The following SCFD2 variants were observed in gnomAD, a reference collection of about 807,000 sequenced individuals.
SCFD2 encodes the protein sec1 family domain containing 2.
In SCFD2, 54 loss-of-function variants were observed where a neutral mutation model predicts 58.9. The ratio of observed to expected loss-of-function variants is 0.92; its 90% CI spans 0.74 to 1.15. SCFD2 has a LOEUF of 1.15. Among genes scored for constraint, SCFD2 ranks in the 50% most tolerant of loss-of-function variants. SCFD2 has a pLI of 0.00. For missense variants in SCFD2, 805 were observed against 836.6 expected, an observed-to-expected ratio of 0.96 and a Z score of 0.47; for synonymous variants, 321 against 335.9, an observed-to-expected ratio of 0.96 and a Z score of 0.49.
At chr4:52,955,423 A>G (rs1287475264) in intron 5 of SCFD2, among the ~76,000 whole-genome samples, 1 of 152,214 alleles carries the variant, frequency 6.6e-6, no homozygotes, top group Non-Finnish European at 1.5e-5. Context: ...TTAAATGAGT[A>G]CTAATGTGGT....
At chr4:52,941,571 T>C (rs1720293907) in intron 5 of SCFD2, among the ~76,000 whole-genome samples, 1 of 152,206 alleles carries the variant, frequency 6.6e-6, no homozygotes, top group African/African-American at 2.4e-5. Flanking sequence ...TCTTCATCAT[T>C]GGACAGCGAG....
chr4:53,199,178 A>G (rs1728150262), intron 4 of SCFD2, among the ~76,000 whole-genome samples: 1 of 152,090 alleles, frequency 6.6e-6, no homozygotes, highest in Non-Finnish European at 1.5e-5. Context: ...TTCATCTCTG[A>G]GTGATGGCAT....
chr4:53,136,898 A>G (rs1019499772), intron 5 of SCFD2, among the ~76,000 whole-genome samples: 1 of 152,234 alleles, frequency 6.6e-6, no homozygotes, highest in African/African-American at 2.4e-5. Flanking sequence ...TGTTTATGAT[A>G]TAAGTCCAGC....
intron 2 of SCFD2, among the ~76,000 whole-genome samples, chr4:53,349,932 T>G (rs1734164359): frequency 6.6e-6 from 1 of 152,180 alleles, no homozygotes; most frequent in African/African-American, 2.4e-5. Context: ...GGTTCAAATA[T>G]AGGCCTCCAC....
chr4:53,014,951 T>C (rs1230022827), intron 5 of SCFD2, among the ~76,000 whole-genome samples: 1 of 152,206 alleles, frequency 6.6e-6, no homozygotes, highest in Non-Finnish European at 1.5e-5. Flanking sequence ...CATAGAAATA[T>C]TTTTGAATTT....
At chr4:53,062,664 A>G (rs1250521019) in intron 5 of SCFD2, among the ~76,000 whole-genome samples, 1 of 152,070 alleles carries the variant, frequency 6.6e-6, no homozygotes, top group African/African-American at 2.4e-5. Flanking sequence ...GGAAAATCCA[A>G]ATCAGGTGTT....
At chr4:53,176,947 C>CAAAAA (rs3064988) in intron 4 of SCFD2, among the ~76,000 whole-genome samples, 1 of 124,706 alleles carries the variant, frequency 8.0e-6, no homozygotes, top group African/African-American at 3.0e-5. Context: ...ACAACAATCT[C>CAAAAA]AAAAAAAAAA....
At chr4:53,016,198 T>G (rs1473291428) in intron 5 of SCFD2, among the ~76,000 whole-genome samples, 1 of 152,178 alleles carries the variant, frequency 6.6e-6, no homozygotes, top group Non-Finnish European at 1.5e-5. Context: ...AATGAGAACA[T>G]TTTTGAAAGG....
chr4:53,053,171 G>A (rs1216632379), intron 5 of SCFD2, among the ~76,000 whole-genome samples: 2 of 150,206 alleles, frequency 1.3e-5, no homozygotes, highest in African/African-American at 2.5e-5. Context: ...GTTGCAGTGA[G>A]CCAAGATCAT....
chr4:53,222,680 ATTCTAG>A (rs1729083643), intron 4 of SCFD2, among the ~76,000 whole-genome samples: 1 of 152,070 alleles, frequency 6.6e-6, no homozygotes, highest in Non-Finnish European at 1.5e-5. Context: ...GAGTAAGTCA[ATTCTAG>A]TTCTGGTTAC....
intron 5 of SCFD2, among the ~76,000 whole-genome samples, chr4:53,106,386 G>C (rs1307509190): frequency 6.6e-6 from 1 of 152,206 alleles, no homozygotes; most frequent in Admixed American, 6.5e-5. Flanking sequence ...CGAATTGCCA[G>C]AAGTAGGCTT....
rs115805464 is a variant in SCFD2 at position 52,873,963 on chromosome 4, G to C, written c.*6C>G. On this transcript the variant is annotated 3_prime_UTR_variant, in exon 9 of 9. Coordinates refer to ENST00000401642, the MANE Select transcript of SCFD2 (RefSeq NM_152540.4). ...CTTGAGTAGGTCTTATCTTCTTAGC[G>C]GATGCTCAGAAGCCAAGGTCTGGAT... The C allele has an allele frequency of 1.9e-6, 3 of 1,604,402 alleles. No individual in the cohort carries two copies. The highest frequency in any genetic ancestry group is 2.6e-6 in the Non-Finnish European group (3 of 1,171,390).
At chr4:53,353,687 C>T (rs575220521) in intron 1 of SCFD2, among the ~76,000 whole-genome samples, 3 of 152,150 alleles carry the variant, frequency 2.0e-5, no homozygotes, top group Admixed American at 2.0e-4. Context: ...AATCCTTTAG[C>T]TAGACACGAA....
intron 4 of SCFD2, among the ~76,000 whole-genome samples, chr4:53,228,578 T>G (rs1343796124): frequency 6.6e-6 from 1 of 152,162 alleles, no homozygotes; most frequent in Non-Finnish European, 1.5e-5. Flanking sequence ...CAACACTTCA[T>G]GCTAAAAACT....
intron 7 of SCFD2, among the ~76,000 whole-genome samples, chr4:52,895,326 C>T (rs1210745276): frequency 6.6e-6 from 1 of 152,116 alleles, no homozygotes; most frequent in Non-Finnish European, 1.5e-5. Flanking sequence ...CTCCCCTACC[C>T]CTACCCCACA....
chr4:52,906,019 G>A (rs1009456152), intron 7 of SCFD2, among the ~76,000 whole-genome samples: 1 of 152,216 alleles, frequency 6.6e-6, no homozygotes, highest in African/African-American at 2.4e-5. Context: ...TTAAGCCAGT[G>A]TTTCTGGAAC....
chr4:52,937,349 G>T (rs1179259055), intron 5 of SCFD2, among the ~76,000 whole-genome samples: 1 of 152,148 alleles, frequency 6.6e-6, no homozygotes, highest in Non-Finnish European at 1.5e-5. Context: ...AATCACAGAC[G>T]AAGGAGCAAG....
At chr4:52,893,420 A>G (rs971944893) in intron 7 of SCFD2, among the ~76,000 whole-genome samples, 1 of 152,190 alleles carries the variant, frequency 6.6e-6, no homozygotes, top group African/African-American at 2.4e-5. Flanking sequence ...CCTCCAAGGC[A>G]TGTTCAGCTC....
chr4:53,291,861 C>A (rs1402153115), intron 3 of SCFD2, among the ~76,000 whole-genome samples: 2 of 151,946 alleles, frequency 1.3e-5, no homozygotes, highest in Non-Finnish European at 2.9e-5. Flanking sequence ...ACAAACCTGA[C>A]AAAAACAAGC....
Sources: allele counts gnomAD v4.1 joint callset (sites outside exome capture counted in the v4.1 genomes callset), GRCh38; gene constraint gnomAD v4.1.1; transcripts MANE v1.5; gene names NCBI Gene and HGNC (gene_info 2026-07-23, HGNC 2026-07-21).